The following RABL3 variants were observed in gnomAD, a reference collection of about 807,000 sequenced individuals.
RABL3 encodes the protein RAB, member of RAS oncogene family like 3.
RABL3 carries 31 observed loss-of-function variants against 31.8 expected under a neutral mutation model. The observed-to-expected ratio is 0.97, with a 90% confidence interval of 0.73 to 1.31. The LOEUF is 1.31. Among genes scored for constraint, RABL3 ranks in the 40% most tolerant of loss-of-function variants. The probability of loss-of-function intolerance (pLI) is 0.00; values close to 1 mark genes in which losing one functional copy is unlikely to be tolerated. For synonymous variants in RABL3, 97 were observed against 99.9 expected (o/e 0.97, Z 0.18); for missense variants, 263 against 279.6 (o/e 0.94, Z 0.42).
intron 1 of RABL3, among the ~76,000 whole-genome samples, chr3:120,739,641 T>C (rs1230921387): frequency 6.7e-6 from 1 of 148,840 alleles, no homozygotes; most frequent in African/African-American, 2.6e-5. Context: ...CTTTTATTAC[T>C]TTTTTTATAT....
At position 120,697,340 on chromosome 3, in the gene RABL3, A is replaced by G. The variant is rs892723662; in HGVS notation, c.534+1083T>C. ...TCCTTCTTATCTTTAAAAAGAGGAT[A>G]GTAATAGTACCTGTCTTATAGAGTT... On this transcript the variant is annotated intron_variant, in intron 5 of 7. Transcript: ENST00000273375. Among the ~76,000 whole-genome samples the G allele has an allele frequency of 4.6e-5, 7 of 152,372 alleles. No individual in the cohort carries two copies. The East Asian group carries it at 1.3e-3, about 29-fold the overall frequency.
At position 120,688,470 on chromosome 3, in the gene RABL3, C is replaced by G; in HGVS notation, c.*1353G>C. ...CTTTCTAAAAGGACTCTCTAACATT[C>G]TTATTTTAATATCCTCTTGCAGCAT... is the stretch of plus-strand genomic sequence containing the variant. On this transcript the variant is annotated 3_prime_UTR_variant, in exon 8 of 8. Transcript: ENST00000273375. 2 of 152,478 alleles carry G rather than the reference C, an allele frequency of 1.3e-5. No homozygotes were observed. Among genetic ancestry groups the G allele is most frequent in the Non-Finnish European group, 2.9e-5 (2 of 68,020 alleles). 9.4% of individuals were successfully genotyped at this position (152,478 alleles called of 1,614,324 possible).
intron 6 of RABL3, among the ~76,000 whole-genome samples, chr3:120,693,650 A>G (rs1708404648): frequency 6.6e-6 from 1 of 152,158 alleles, no homozygotes; most frequent in Non-Finnish European, 1.5e-5. Flanking sequence ...ACAATAAAAC[A>G]ATGTTAGCAG....
At chr3:120,740,422 G>A (rs1408785891) in intron 1 of RABL3, among the ~76,000 whole-genome samples, 1 of 151,972 alleles carries the variant, frequency 6.6e-6, no homozygotes, top group African/African-American at 2.4e-5. Context: ...CACCATGCCC[G>A]GCTAACTTTC....
chr3:120,718,844 G>A (rs554263617), intron 2 of RABL3, among the ~76,000 whole-genome samples: 5 of 152,282 alleles, frequency 3.3e-5, no homozygotes, highest in East Asian at 1.9e-4. Context: ...AATAGTCTTC[G>A]AGGTACAATG....
chr3:120,714,401 G>A (rs1291078431), intron 2 of RABL3, among the ~76,000 whole-genome samples: 1 of 152,164 alleles, frequency 6.6e-6, no homozygotes, highest in Admixed American at 6.5e-5. Flanking sequence ...AAGGAGGTAT[G>A]TAACATATGT....
At chr3:120,741,377 A>ATTCTTAACCTATATT (rs1428951324) in intron 1 of RABL3, among the ~76,000 whole-genome samples, 8 of 152,346 alleles carry the variant, frequency 5.3e-5, no homozygotes, top group African/African-American at 1.9e-4. Context: ...ATGTGAAAAC[A>ATTCTTAACCTATATT]TTCTTAACCT....
intron 5 of RABL3, 59 bp from the exon 6 acceptor site, chr3:120,694,283 T>C (rs2107575226): frequency 9.0e-7 from 1 of 1,116,264 alleles, no homozygotes. Context: ...CTCGTTGCTA[T>C]TCATAACTTA....
At chr3:120,704,939 T>C (rs1708532263) in intron 4 of RABL3, among the ~76,000 whole-genome samples, 3 of 152,124 alleles carry the variant, frequency 2.0e-5, no homozygotes, top group Admixed American at 2.0e-4. Flanking sequence ...GGCACAATAA[T>C]TGCTTGAACC....
chr3:120,742,679 CCAGCTGGTCG>C, upstream of RABL3: 1 of 659,740 alleles, frequency 1.5e-6, no homozygotes, highest in Non-Finnish European at 2.7e-6. Flanking sequence ...GGGTGCTTCC[CCAGCTGGTCG>C]CAGGAATAGT....
At chr3:120,726,074 C>G (rs1466823205) in intron 2 of RABL3, among the ~76,000 whole-genome samples, 2 of 152,108 alleles carry the variant, frequency 1.3e-5, no homozygotes, top group Non-Finnish European at 2.9e-5. Flanking sequence ...ACCTGGCCTC[C>G]CAAAGCAGTG....
rs938757632 is a variant in RABL3, at chr3:120,688,308, A to G, written c.*1515T>C. ...TTGTGACCAATTCTACATACAGATC[A>G]TGATTTGCATAGCTTTCCTTTGTGT... On this transcript the variant is annotated 3_prime_UTR_variant, in exon 8 of 8. Coordinates refer to ENST00000273375, the MANE Select transcript of RABL3 (RefSeq NM_173825.5). 3 of 152,630 alleles carry G rather than the reference A, an allele frequency of 2.0e-5. No homozygotes were observed. Among genetic ancestry groups the G allele is most frequent in the Non-Finnish European group, 4.4e-5 (3 of 68,042 alleles). The allele number at this position is 152,630 out of a possible 1,614,324, so 9.5% of individuals were successfully genotyped here. A position where few individuals can be genotyped will look rare whatever the true frequency, so the allele number is the denominator to read the frequency against.
At chr3:120,690,519 A>G in intron 6 of RABL3, 32 bp from the exon 7 acceptor site, 2 of 1,561,612 alleles carry the variant, frequency 1.3e-6, no homozygotes, top group Non-Finnish European at 1.8e-6. Flanking sequence ...AAGGCTTAGC[A>G]CACATACCTG....
chr3:120,726,705 C>T (rs1708825394), intron 2 of RABL3, among the ~76,000 whole-genome samples: 1 of 151,898 alleles, frequency 6.6e-6, no homozygotes, highest in Non-Finnish European at 1.5e-5. Context: ...GATCGTGCCA[C>T]TGCACTCCAG....
chr3:120,726,755 T>A (rs1399299542), intron 2 of RABL3, among the ~76,000 whole-genome samples: 2 of 150,744 alleles, frequency 1.3e-5, no homozygotes, highest in African/African-American at 2.4e-5. Flanking sequence ...AAAAAATAAA[T>A]TAAATAAATA....
intron 1 of RABL3, among the ~76,000 whole-genome samples, chr3:120,732,442 AT>A (rs1024525166): frequency 7.9e-5 from 12 of 152,104 alleles, no homozygotes; most frequent in South Asian, 6.2e-4. Context: ...ATTAACTTTG[AT>A]TTTTTTTGAT....
chr3:120,733,982 C>T (rs5941883), intron 1 of RABL3, among the ~76,000 whole-genome samples: 19 of 152,096 alleles, frequency 1.2e-4, no homozygotes, highest in Admixed American at 7.9e-4. Flanking sequence ...AGTCAGGTAG[C>T]GTGATGCCTC....
chr3:120,714,056 T>C (rs374411798), intron 2 of RABL3, among the ~76,000 whole-genome samples: 6 of 152,314 alleles, frequency 3.9e-5, no homozygotes, highest in East Asian at 1.9e-4. Context: ...GTGATCCGCC[T>C]GCCTTGGCCT....
chr3:120,708,492 T>G (rs370335920), intron 3 of RABL3, among the ~76,000 whole-genome samples: 3 of 152,068 alleles, frequency 2.0e-5, no homozygotes, highest in East Asian at 1.9e-4. Flanking sequence ...TACCTAAATA[T>G]CAAAGGTGTT....
Sources: gnomAD v4.1 joint callset for allele counts (sites outside exome capture counted in the v4.1 genomes callset) on GRCh38, gnomAD v4.1.1 for gene constraint, MANE v1.5 for transcripts, NCBI Gene and HGNC (gene_info 2026-07-23, HGNC 2026-07-21) for gene names.